CLVS1: variants seen among roughly 807,000 people sequenced by gnomAD.
CLVS1 encodes the protein clavesin-1.
A neutral mutation model predicts 33.1 loss-of-function variants in CLVS1; 10 were observed. The ratio of observed to expected loss-of-function variants is 0.30; its 90% CI spans 0.19 to 0.51. The LOEUF is 0.51. Among genes scored for constraint, CLVS1 ranks in the 20% least tolerant of loss-of-function variants. The pLI is 0.97. For synonymous variants in CLVS1, 163 were observed against 166.1 expected, an observed-to-expected ratio of 0.98 and a Z score of 0.14; for missense variants, 343 against 433.4, an observed-to-expected ratio of 0.79 and a Z score of 1.85.
chr8:61,026,475 A>G, the CLVS1 span, among the ~76,000 whole-genome samples: 9 of 152,190 alleles, frequency 5.9e-5, no homozygotes, highest in Non-Finnish European at 1.2e-4. Flanking sequence ...ATATATTTTG[A>G]TATTCCAAAA....
At chr8:61,418,570 G>A (rs970049435) in intron 3 of CLVS1, among the ~76,000 whole-genome samples, 1 of 152,034 alleles carries the variant, frequency 6.6e-6, no homozygotes, top group Non-Finnish European at 1.5e-5. Context: ...AATAAATATG[G>A]TGGAATTTCA....
intron 2 of CLVS1, among the ~76,000 whole-genome samples, chr8:61,263,996 G>C (rs774602492): frequency 4.6e-5 from 7 of 152,184 alleles, no homozygotes; most frequent in Non-Finnish European, 1.0e-4. Flanking sequence ...TTTACAAAGA[G>C]AGAGACTACC....
At chr8:61,144,239 C>T (rs1412829956) in intron 2 of CLVS1, among the ~76,000 whole-genome samples, 2 of 151,998 alleles carry the variant, frequency 1.3e-5, no homozygotes, top group African/African-American at 4.8e-5. Flanking sequence ...TGTGATGTTC[C>T]CCTCCCTGTG....
At chr8:61,006,023 A>G in the CLVS1 span, among the ~76,000 whole-genome samples, 1 of 152,162 alleles carries the variant, frequency 6.6e-6, no homozygotes, top group Non-Finnish European at 1.5e-5. Context: ...AATATGGGTG[A>G]CTTTTCTGTT....
At chr8:61,211,993 G>A (rs575156039) in intron 2 of CLVS1, among the ~76,000 whole-genome samples, 11 of 152,218 alleles carry the variant, frequency 7.2e-5, no homozygotes, top group Non-Finnish European at 1.3e-4. Context: ...TTTGGCCCTC[G>A]ATCCTCTGGG....
At chr8:61,052,028 C>T in the CLVS1 span, among the ~76,000 whole-genome samples, 2 of 152,234 alleles carry the variant, frequency 1.3e-5, no homozygotes, top group East Asian at 3.9e-4. Flanking sequence ...TGTGTTGCCT[C>T]CTGGTCCCTG....
chr8:61,095,727 G>C (rs1238464585), intron 1 of CLVS1, among the ~76,000 whole-genome samples: 2 of 152,178 alleles, frequency 1.3e-5, no homozygotes, highest in African/African-American at 4.8e-5. Flanking sequence ...CCAAGCATAG[G>C]GATCAGGATG....
At chr8:61,075,141 T>C (rs1243576628) in intron 1 of CLVS1, among the ~76,000 whole-genome samples, 1 of 152,022 alleles carries the variant, frequency 6.6e-6, no homozygotes, top group Non-Finnish European at 1.5e-5. Context: ...CCTCAATGCT[T>C]GAGGAATGGG....
At chr8:61,289,844 T>C (rs1230759203) in intron 1 of CLVS1, among the ~76,000 whole-genome samples, 2 of 152,244 alleles carry the variant, frequency 1.3e-5, no homozygotes, top group Admixed American at 1.3e-4. Flanking sequence ...TGTCAAAAGT[T>C]AATTACTGCC....
intron 1 of CLVS1, among the ~76,000 whole-genome samples, chr8:61,094,450 ACTC>A (rs1307401513): frequency 6.6e-6 from 1 of 151,536 alleles, no homozygotes; most frequent in Non-Finnish European, 1.5e-5. Context: ...CCTTAGAAAA[ACTC>A]CAAGGCTATT....
intron 2 of CLVS1, among the ~76,000 whole-genome samples, chr8:61,192,925 C>T (rs1021035476): frequency 5.3e-5 from 8 of 152,306 alleles, no homozygotes; most frequent in African/African-American, 1.9e-4. Flanking sequence ...GTTGGTGGAA[C>T]TGTAAACTGG....
rs558491595 is a variant in CLVS1, at chr8:61,480,713, C to T, written c.978-18742C>T. 3.9e-4 allele frequency among the ~76,000 whole-genome samples: 59 copies of T among 152,258 alleles called. 1 individual carries two copies. In the South Asian group the frequency reaches 0.012, roughly 32 times the overall value. ...GTAGACTGGAGCTGTTCCTATTCAT[C>T]CATCTTGGCTCCACCCTCAGGGCAA... On this transcript the variant is annotated intron_variant, in intron 5 of 5. Coordinates refer to ENST00000325897, the MANE Select transcript of CLVS1 (RefSeq NM_173519.3).
chr8:61,219,243 C>T (rs572744962), intron 2 of CLVS1, among the ~76,000 whole-genome samples: 1 of 152,098 alleles, frequency 6.6e-6, no homozygotes, highest in African/African-American at 2.4e-5. Context: ...CATAGGTATA[C>T]ATGTACCATG....
At chr8:61,347,636 A>T (rs1316797525) in intron 2 of CLVS1, among the ~76,000 whole-genome samples, 2 of 1,718 alleles carry the variant, frequency 1.2e-3, no homozygotes, top group African/African-American at 2.4e-3. Context: ...TTATATATAT[A>T]TATATATATA....
At chr8:61,387,420 T>G (rs1814127353) in intron 3 of CLVS1, among the ~76,000 whole-genome samples, 1 of 151,002 alleles carries the variant, frequency 6.6e-6, no homozygotes, top group South Asian at 2.1e-4. Context: ...AACCCAAGAA[T>G]TGTTAGCCCT....
intron 2 of CLVS1, among the ~76,000 whole-genome samples, chr8:61,169,148 G>A (rs1180478844): frequency 1.3e-5 from 2 of 152,160 alleles, no homozygotes; most frequent in African/African-American, 2.4e-5. Context: ...CACCAGTTCA[G>A]CTTTTAGTGT....
chr8:61,418,895 A>C (rs575704835), intron 3 of CLVS1, among the ~76,000 whole-genome samples: 62 of 152,316 alleles, frequency 4.1e-4, no homozygotes, highest in African/African-American at 1.5e-3. Flanking sequence ...TGGAGGCTGC[A>C]TCAGTGCCAA....
chr8:61,415,091 T>C lies in CLVS1; in HGVS notation c.630+38312T>C, dbSNP rs78166828. On this transcript the variant is annotated intron_variant, in intron 3 of 5. Transcript: ENST00000325897. ...GCTCTGGGCAAAGGCCCAAGGCTTT[T>C]GGCTTAATTATGCTCGCTGGCTCTT... Among the ~76,000 whole-genome samples the C allele has an allele frequency of 8.9e-3, 1,354 of 152,374 alleles. 24 individuals are homozygous for C. The highest frequency in any genetic ancestry group is 0.03 in the African/African-American group (1,259 of 41,586).
intron 5 of CLVS1, among the ~76,000 whole-genome samples, chr8:61,472,110 C>T (rs551667436): frequency 2.4e-4 from 36 of 152,344 alleles, no homozygotes; most frequent in Admixed American, 9.8e-4. Context: ...TTGTCCCCCT[C>T]CCCATGCCCC....
Sources: gnomAD v4.1 joint callset for allele counts (sites outside exome capture counted in the v4.1 genomes callset) on GRCh38, gnomAD v4.1.1 for gene constraint, MANE v1.5 for transcripts, NCBI Gene and HGNC (gene_info 2026-07-23, HGNC 2026-07-21) for gene names.